RPP30: variants seen among roughly 807,000 people sequenced by gnomAD.
RPP30 encodes the protein ribonuclease P/MRP subunit p30.
In RPP30, 36 loss-of-function variants were observed where a neutral mutation model predicts 38.6. The observed-to-expected ratio is 0.93, with a 90% CI of 0.71 to 1.23. RPP30 has a LOEUF of 1.23. RPP30 is among the 50% of genes most tolerant of loss of function. The pLI, the probability that RPP30 is intolerant of heterozygous loss-of-function variation, is 0.00. For missense variants in RPP30, 321 were observed against 321.7 expected, an observed-to-expected ratio of 1.00 and a Z score of 0.02; for synonymous variants, 126 against 112.7, an observed-to-expected ratio of 1.12 and a Z score of -0.75.
rs139597628 is a variant in RPP30 at position 90,900,575 on chromosome 10, A to G, written c.703A>G (p.Arg235Gly). Residue 235 changes from arginine (R) to glycine (G), a missense_variant, in exon 11 of 11, where the codon AGA (arginine) becomes GGA (glycine). Physicochemically the swap from Arg to Gly is moderately radical, Grantham distance 125. Coordinates refer to ENST00000371703, the MANE Select transcript of RPP30 (RefSeq NM_006413.5). ...CRAALLHGET[R>G]KTAFGIISTV... is the part of the protein sequence containing the mutation. ...TTTCCCTGTTTGTTTTACAGAAACT[A>G]GAAAAACTGCTTTTGGAATTATCTC... 17 of 1,610,400 alleles carry G rather than the reference A, an allele frequency of 1.1e-5. No homozygotes were observed. In the African/African-American group the frequency reaches 1.7e-4, roughly 16 times the overall value.
At chr10:90,872,913 A>G (rs1004769810) in intron 1 of RPP30, among the ~76,000 whole-genome samples, 1 of 152,240 alleles carries the variant, frequency 6.6e-6, no homozygotes, top group Non-Finnish European at 1.5e-5. Context: ...CTGCCACTAA[A>G]TGAACGTTAT....
At chr10:90,895,295 A>G (rs1414290632) in intron 7 of RPP30, 159 bp from the exon 8 acceptor site, 8 of 514,542 alleles carry the variant, frequency 1.6e-5, no homozygotes, top group Non-Finnish European at 2.4e-5. Context: ...TTTGACATGA[A>G]GTCTTTTCAT....
intron 6 of RPP30, among the ~76,000 whole-genome samples, chr10:90,892,201 G>A (rs1447903482): frequency 1.3e-5 from 2 of 152,134 alleles, no homozygotes; most frequent in African/African-American, 4.8e-5. Context: ...AATCAGGCAG[G>A]CACTGTTAGG....
downstream of RPP30, chr10:90,903,363 A>G (rs1190782834): frequency 2.7e-6 from 2 of 739,726 alleles, no homozygotes; most frequent in East Asian, 2.6e-5. Flanking sequence ...TCCCACCTTA[A>G]TTTATGAATT....
chr10:90,905,914 C>T (rs558691074), downstream of RPP30: 2 of 152,148 alleles, frequency 1.3e-5, no homozygotes, highest in African/African-American at 4.8e-5. Flanking sequence ...AACCTAAATA[C>T]CCAATAATAA....
chr10:90,896,413 CA>C (rs1847139857), intron 10 of RPP30, 21 bp downstream of exon 10: 1 of 1,590,982 alleles, frequency 6.3e-7, no homozygotes, highest in Admixed American at 1.7e-5. Flanking sequence ...TCTTCCAGTA[CA>C]AACTGAATGG....
chr10:90,887,053 A>G (rs1847010779), intron 6 of RPP30, among the ~76,000 whole-genome samples: 1 of 152,086 alleles, frequency 6.6e-6, no homozygotes, highest in African/African-American at 2.4e-5. Context: ...CTGCAGCCTC[A>G]ACTTCCTGGG....
In RPP30 at chr10:90,900,860, T is replaced by G; in HGVS notation, c.*181T>G. The G allele has an allele frequency of 7.7e-7, 1 of 1,296,434 alleles. No homozygotes were observed. The highest frequency in any genetic ancestry group is 2.7e-5 in the South Asian group (1 of 36,692). The allele number at this position is 1,296,434 out of a possible 1,614,324, so 80.3% of individuals were successfully genotyped here. ...CAAACGAAACCTAGTGAAGCATCTT[T>G]TTAAAAGGCTGCCAGCTTAATGAAT... On this transcript the variant is annotated 3_prime_UTR_variant, in exon 11 of 11. Coordinates refer to ENST00000371703, the MANE Select transcript of RPP30 (RefSeq NM_006413.5).
intron 1 of RPP30, among the ~76,000 whole-genome samples, chr10:90,873,448 A>G (rs1846809636): frequency 1.3e-5 from 2 of 152,208 alleles, no homozygotes; most frequent in Admixed American, 1.3e-4. Context: ...GACATTTGCA[A>G]AGAATAGGAA....
chr10:90,877,044 G>C (rs889481845), intron 4 of RPP30, among the ~76,000 whole-genome samples: 2 of 152,194 alleles, frequency 1.3e-5, no homozygotes, highest in African/African-American at 2.4e-5. Flanking sequence ...GTGCACAGTG[G>C]CTCATGCCTG....
At chr10:90,903,975 A>T (rs975301188), downstream of RPP30, among the ~76,000 whole-genome samples, 1 of 152,220 alleles carries the variant, frequency 6.6e-6, no homozygotes, top group African/African-American at 2.4e-5. Flanking sequence ...TTCTCCCCCA[A>T]ATTACGCATT....
chr10:90,884,117 A>G (rs1224744236), intron 5 of RPP30, among the ~76,000 whole-genome samples: 1 of 152,120 alleles, frequency 6.6e-6, no homozygotes, highest in Non-Finnish European at 1.5e-5. Flanking sequence ...AAATTGAGGG[A>G]TGTTTAATTG....
rs1846841158 is a variant in RPP30, at chr10:90,875,604, C to T, written c.185C>T (p.Pro62Leu). Residue 62 changes from proline to leucine, a missense_variant, in exon 3 of 11, where the codon CCA becomes CTA. By Grantham distance (98) the Pro-to-Leu change is moderately conservative. Transcript: ENST00000371703. Reference protein sequence around the residue: ...VAVSELFTTLPIVQGKSRPIK... With the variant: ...VAVSELFTTLLIVQGKSRPIK... The stretch of plus-strand genomic sequence containing the variant: ...GTTTCTGAACTCTTCACAACTTTGC[C>T]AATTGTACAGGTAGGTGTTTTGTTG... 1 of 1,612,808 alleles carries T rather than the reference C, an allele frequency of 6.2e-7. No individual in the cohort carries two copies. The highest frequency in any genetic ancestry group is 1.1e-5 in the South Asian group (1 of 91,034).
At chr10:90,898,067 C>T (rs1847163448) in intron 10 of RPP30, among the ~76,000 whole-genome samples, 1 of 152,086 alleles carries the variant, frequency 6.6e-6, no homozygotes, top group African/African-American at 2.4e-5. Flanking sequence ...TCTTCACCTC[C>T]CTCTCAGCCC....
Position 90,901,086 on chromosome 10 carries a change from C to G in RPP30, c.*407C>G, listed in dbSNP as rs576953076. On this transcript the variant is annotated 3_prime_UTR_variant, in exon 11 of 11. Transcript: ENST00000371703. The stretch of plus-strand genomic sequence containing the variant: ...CAATCCTGGGCTCAAGTGATCCTCC[C>G]GCTTCAGCCTCTCAAGCAGCGGGAA... The G allele has an allele frequency of 2.8e-6, 1 of 358,376 alleles. No individual in the cohort carries two copies. The highest frequency in any genetic ancestry group is 3.9e-6 in the Non-Finnish European group (1 of 257,500). The allele number at this position is 358,376 out of a possible 1,614,324, so 22.2% of individuals were successfully genotyped here.
At chr10:90,898,409 C>T (rs1215036976) in intron 10 of RPP30, among the ~76,000 whole-genome samples, 5 of 151,956 alleles carry the variant, frequency 3.3e-5, no homozygotes, top group South Asian at 2.1e-4. Context: ...CAGTATGAGA[C>T]GGTAGTATGA....
chr10:90,897,420 G>A (rs565439909), intron 10 of RPP30, among the ~76,000 whole-genome samples: 33 of 152,292 alleles, frequency 2.2e-4, no homozygotes, highest in African/African-American at 7.7e-4. Flanking sequence ...TTGGCTTGCC[G>A]TAAATTAGAT....
chr10:90,901,999 G>C lies in RPP30; in HGVS notation c.*1320G>C. The C allele has an allele frequency of 2.3e-6, 1 of 430,160 alleles. No individual in the cohort carries two copies. Among genetic ancestry groups the C allele is most frequent in the Non-Finnish European group, 3.1e-6 (1 of 323,076 alleles). The allele number at this position is 430,160 out of a possible 1,614,324, so 26.6% of individuals were successfully genotyped here. ...TATTTAGCAGAGACGGGGTTTCACC[G>C]TGTTAGCCAGGATGGTCTCAATCTC... is the stretch of plus-strand genomic sequence containing the variant. On this transcript the variant is annotated 3_prime_UTR_variant, in exon 11 of 11. Coordinates refer to ENST00000371703, the MANE Select transcript of RPP30 (RefSeq NM_006413.5).
chr10:90,872,026 G>T lies in RPP30; in HGVS notation c.40G>T (p.Asp14Tyr), dbSNP rs756283432. 6.2e-7 allele frequency: 1 copy of T among 1,614,198 alleles called. No homozygotes were observed. The highest frequency in any genetic ancestry group is 8.5e-7 in the Non-Finnish European group (1 of 1,180,034). Reference sequence around the variant, plus strand: ...AGATTTGGACCTGCGAGCGGGTTCTGACCTGAAGGCTCTGCGCGGACTTGT... The same window carrying T: ...AGATTTGGACCTGCGAGCGGGTTCTTACCTGAAGGCTCTGCGCGGACTTGT... Reference protein sequence around the residue: ...FADLDLRAGSDLKALRGLVET... With the variant: ...FADLDLRAGSYLKALRGLVET... Residue 14 changes from aspartate (D) to tyrosine (Y), a missense_variant, in exon 1 of 11, where the codon GAC becomes TAC. Asp to Tyr is a radical substitution (Grantham distance 160, BLOSUM62 -3). Coordinates refer to ENST00000371703, the MANE Select transcript of RPP30 (RefSeq NM_006413.5).
Sources: gnomAD v4.1 joint callset for allele counts (sites outside exome capture counted in the v4.1 genomes callset) on GRCh38, gnomAD v4.1.1 for gene constraint, MANE v1.5 for transcripts, NCBI Gene and HGNC (gene_info 2026-07-23, HGNC 2026-07-21) for gene names.